TAFA1: variants seen among roughly 807,000 people sequenced by gnomAD.
TAFA1 encodes TAFA chemokine like family member 1.
TAFA1 carries 4 observed loss-of-function variants against 18.5 expected under a neutral mutation model. The ratio of observed to expected loss-of-function variants is 0.22; its 90% confidence interval spans 0.11 to 0.49. TAFA1 has a LOEUF of 0.49. Among genes scored for constraint, TAFA1 ranks in the 20% least tolerant of loss-of-function variants. The pLI is 0.98. For missense variants in TAFA1, 147 were observed against 169.0 expected (o/e 0.87, Z 0.72); for synonymous variants, 56 against 55.2 (o/e 1.01, Z -0.06).
chr3:68,519,973 G>T (rs1266484123), intron 3 of TAFA1, among the ~76,000 whole-genome samples: 1 of 152,178 alleles, frequency 6.6e-6, no homozygotes, highest in Non-Finnish European at 1.5e-5. Context: ...ATAATGAGAT[G>T]AAATGAAAGG....
At chr3:68,248,725 T>TGGGCGGGGGGCGGG (rs1239027714) in intron 2 of TAFA1, among the ~76,000 whole-genome samples, 2 of 1,548 alleles carry the variant, frequency 1.3e-3, no homozygotes, top group African/African-American at 2.4e-3. Flanking sequence ...GGGTGGGTGG[T>TGGGCGGGGGGCGGG]GGGCGGGGGG....
chr3:68,424,121 T>C (rs1227439755), intron 3 of TAFA1, among the ~76,000 whole-genome samples: 1 of 152,074 alleles, frequency 6.6e-6, no homozygotes, highest in African/African-American at 2.4e-5. Context: ...AAAGTCATCC[T>C]GCTATTTCTG....
At chr3:68,379,852 G>C (rs1194646671) in intron 2 of TAFA1, among the ~76,000 whole-genome samples, 8 of 151,588 alleles carry the variant, frequency 5.3e-5, no homozygotes, top group Non-Finnish European at 1.0e-4. Context: ...TGCCATGTTG[G>C]TGTGCTGCAC....
chr3:68,194,982 T>C (rs1335527570), intron 2 of TAFA1, among the ~76,000 whole-genome samples: 1 of 151,732 alleles, frequency 6.6e-6, no homozygotes, highest in East Asian at 2.0e-4. Flanking sequence ...GGTATGCCCA[T>C]TTAATTTCCT....
intron 2 of TAFA1, among the ~76,000 whole-genome samples, chr3:68,098,974 C>T (rs568661707): frequency 6.6e-6 from 1 of 152,182 alleles, no homozygotes; most frequent in South Asian, 2.1e-4. Flanking sequence ...TAAAACTGAA[C>T]TCCTACTTCT....
chr3:68,488,630 T>C (rs1196302810), intron 3 of TAFA1, among the ~76,000 whole-genome samples: 1 of 152,214 alleles, frequency 6.6e-6, no homozygotes, highest in African/African-American at 2.4e-5. Context: ...GCTTCAATTT[T>C]TCCATCTGCA....
At chr3:68,046,243 A>C (rs561678874) in intron 2 of TAFA1, among the ~76,000 whole-genome samples, 1 of 152,154 alleles carries the variant, frequency 6.6e-6, no homozygotes, top group South Asian at 2.1e-4. Context: ...ACACAGGTCT[A>C]GATGATTTTT....
In TAFA1 at chr3:68,237,825, G is replaced by A. The variant is rs536882167; in HGVS notation, c.119-179455G>A. ...AAGTTGCATATAAAGATTATGAACT[G>A]TAATAGGAGATTAGAGTATCAAGAG... is the stretch of plus-strand genomic sequence containing the variant. On this transcript the variant is annotated intron_variant, in intron 2 of 4. Transcript: ENST00000478136. 3.4e-4 allele frequency among the ~76,000 whole-genome samples: 52 copies of A among 152,282 alleles called. 1 individual carries two copies. The highest frequency in any genetic ancestry group is 5.1e-4 in the African/African-American group (21 of 41,562).
chr3:68,117,333 C>T (rs2065336677), intron 2 of TAFA1, among the ~76,000 whole-genome samples: 1 of 152,106 alleles, frequency 6.6e-6, no homozygotes, highest in African/African-American at 2.4e-5. Context: ...TTTTCCCAAG[C>T]TCGCTTTCAT....
At chr3:68,027,464 G>T (rs892490211) in intron 2 of TAFA1, among the ~76,000 whole-genome samples, 1 of 152,052 alleles carries the variant, frequency 6.6e-6, no homozygotes, top group Non-Finnish European at 1.5e-5. Context: ...GTTTGTCATT[G>T]GAAATGGCTC....
At chr3:68,435,589 G>T (rs2071254771) in intron 3 of TAFA1, among the ~76,000 whole-genome samples, 1 of 152,134 alleles carries the variant, frequency 6.6e-6, no homozygotes, top group South Asian at 2.1e-4. Context: ...AAGGAAACAG[G>T]TCCATTCTGA....
At chr3:68,062,209 C>T (rs550144633) in intron 2 of TAFA1, among the ~76,000 whole-genome samples, 16 of 152,156 alleles carry the variant, frequency 1.1e-4, no homozygotes, top group South Asian at 2.1e-4. Flanking sequence ...GTAATATAGA[C>T]TATCAAGGTG....
chr3:68,432,758 C>T (rs961235465), intron 3 of TAFA1, among the ~76,000 whole-genome samples: 3 of 151,928 alleles, frequency 2.0e-5, no homozygotes, highest in African/African-American at 7.3e-5. Context: ...TTCCAAGCTC[C>T]CATTGGTACT....
In TAFA1 at chr3:68,336,578, T is replaced by A. The variant is rs911513873; in HGVS notation, c.119-80702T>A. Among the ~76,000 whole-genome samples the A allele has an allele frequency of 3.4e-4, 51 of 152,228 alleles. 1 individual carries two copies. Among genetic ancestry groups the A allele is most frequent in the Admixed American group, 3.3e-4 (5 of 15,286 alleles). ...TAGTTTAATATTCCCCAAAGTATAA[T>A]CTTCAAACTATCTGCTTGAAAGGTA... On this transcript the variant is annotated intron_variant, in intron 2 of 4. Transcript: ENST00000478136.
chr3:68,333,784 A>G (rs977479124), intron 2 of TAFA1, among the ~76,000 whole-genome samples: 4 of 152,252 alleles, frequency 2.6e-5, no homozygotes. Flanking sequence ...ACAAGTGTTC[A>G]TTAATGAATG....
intron 2 of TAFA1, among the ~76,000 whole-genome samples, chr3:68,083,320 T>C (rs1271276156): frequency 6.6e-6 from 1 of 152,252 alleles, no homozygotes; most frequent in South Asian, 2.1e-4. Flanking sequence ...ATAATCACTT[T>C]TGCCTTTGTT....
rs73104873 is a variant in TAFA1 at position 68,023,210 on chromosome 3, G to A, written c.118+16466G>A. On this transcript the variant is annotated intron_variant, in intron 2 of 4. Transcript: ENST00000478136. ...TGTATGTCAGGATATGCTAGGTGAT[G>A]CTATGGTAACCAATCAGCCCCATAT... 8.1e-3 allele frequency among the ~76,000 whole-genome samples: 1,238 copies of A among 152,140 alleles called. 11 individuals carry two copies. The highest frequency in any genetic ancestry group is 0.014 in the Non-Finnish European group (970 of 67,996).
At chr3:68,189,208 G>T (rs557042193) in intron 2 of TAFA1, among the ~76,000 whole-genome samples, 1 of 151,810 alleles carries the variant, frequency 6.6e-6, no homozygotes, top group Non-Finnish European at 1.5e-5. Flanking sequence ...AAGAGAGGAA[G>T]ACTGATATAT....
intron 3 of TAFA1, among the ~76,000 whole-genome samples, chr3:68,427,658 C>A (rs936548198): frequency 4.6e-5 from 7 of 151,746 alleles, no homozygotes; most frequent in Admixed American, 4.6e-4. Flanking sequence ...CCTACCACCC[C>A]CCCCATACAA....
Sources: allele counts gnomAD v4.1 joint callset (sites outside exome capture counted in the v4.1 genomes callset), GRCh38; gene constraint gnomAD v4.1.1; transcripts MANE v1.5; gene names NCBI Gene and HGNC (gene_info 2026-07-23, HGNC 2026-07-21).